EIF4E3: variants seen among roughly 807,000 people sequenced by gnomAD.
EIF4E3 encodes the protein eukaryotic translation initiation factor 4E type 3.
In EIF4E3, 26 loss-of-function variants were observed where a neutral mutation model predicts 31.7. That is an observed-to-expected ratio of 0.82 (90% CI 0.60 to 1.14). EIF4E3 has a LOEUF of 1.14. EIF4E3 is among the 50% of genes most tolerant of loss of function. EIF4E3 has a pLI of 0.00. For missense variants in EIF4E3, 304 were observed against 270.9 expected (o/e 1.12, Z -0.86); for synonymous variants, 128 against 107.7 (o/e 1.19, Z -1.17).
At chr3:71,707,835 C>T (rs1224994807) in intron 2 of EIF4E3, among the ~76,000 whole-genome samples, 1 of 151,198 alleles carries the variant, frequency 6.6e-6, no homozygotes, top group Non-Finnish European at 1.5e-5. Context: ...TGTTGTGACT[C>T]AGGAAAGTGG....
chr3:71,689,970 G>C (rs748845261), intron 6 of EIF4E3, 40 bp downstream of exon 6: 2 of 1,534,538 alleles, frequency 1.3e-6, no homozygotes, highest in South Asian at 1.3e-5. Flanking sequence ...AAGTATGATA[G>C]AGTAAGCTAG....
At chr3:71,661,918 T>G in the EIF4E3 span, among the ~76,000 whole-genome samples, 1 of 152,140 alleles carries the variant, frequency 6.6e-6, no homozygotes, top group African/African-American at 2.4e-5. Context: ...GTGTCCGTAT[T>G]TGAATCCTGG....
chr3:71,746,243 T>A (rs2049871332), intron 1 of EIF4E3, among the ~76,000 whole-genome samples: 1 of 152,238 alleles, frequency 6.6e-6, no homozygotes. Flanking sequence ...AGGCTCCTCA[T>A]CTGTCAAACT....
At chr3:71,692,336 T>C (rs755891072) in intron 5 of EIF4E3, among the ~76,000 whole-genome samples, 25 of 152,206 alleles carry the variant, frequency 1.6e-4, no homozygotes, top group Non-Finnish European at 2.9e-4. Context: ...TAATAGTTAA[T>C]GGTGCGCTCA....
In EIF4E3 at chr3:71,676,263, A is replaced by G. The variant is rs945912010; in HGVS notation, c.*8419T>C. On this transcript the variant is annotated 3_prime_UTR_variant, in exon 7 of 7. Coordinates refer to ENST00000425534, the MANE Select transcript of EIF4E3 (RefSeq NM_001134651.2). ...TGTAAAATGATGTTTATCACCTGTGATAAAACCAGAGAGAAATGCAAGTGT... is the reference window on the plus strand; with the variant it reads ...TGTAAAATGATGTTTATCACCTGTGGTAAAACCAGAGAGAAATGCAAGTGT... 2.0e-5 allele frequency: 3 copies of G among 152,216 alleles called. No homozygotes were observed. The East Asian group carries it at 5.8e-4, about 29-fold the overall frequency. The allele number at this position is 152,216 out of a possible 1,614,324, so 9.4% of individuals were successfully genotyped here. A position where few individuals can be genotyped will look rare whatever the true frequency, so the allele number is the denominator to read the frequency against.
intron 1 of EIF4E3, among the ~76,000 whole-genome samples, chr3:71,735,516 C>T (rs1449882530): frequency 2.0e-5 from 3 of 152,186 alleles, no homozygotes; most frequent in Non-Finnish European, 4.4e-5. Context: ...AGGAGACTTG[C>T]TAATAGGTGT....
chr3:71,659,550 G>T, the EIF4E3 span, among the ~76,000 whole-genome samples: 2 of 152,184 alleles, frequency 1.3e-5, no homozygotes, highest in African/African-American at 2.4e-5. Flanking sequence ...AGCCTCTGTT[G>T]TTCTGTGTGA....
chr3:71,754,238 C>G, upstream of EIF4E3: 3 of 1,314,204 alleles, frequency 2.3e-6, no homozygotes, highest in Non-Finnish European at 3.0e-6. This position sits in a 1 kb window ranked among gnomAD's most constrained non-coding sequence, Gnocchi z 5.8. Flanking sequence ...TGTGCCTGGC[C>G]GACGGGCTGC....
chr3:71,666,055 C>T, the EIF4E3 span, among the ~76,000 whole-genome samples: 1 of 152,044 alleles, frequency 6.6e-6, no homozygotes. Context: ...CAAGAGCAAA[C>T]AAATTCAGAA....
intron 1 of EIF4E3, among the ~76,000 whole-genome samples, chr3:71,748,439 C>A (rs755651462): frequency 4.6e-5 from 7 of 152,102 alleles, no homozygotes; most frequent in Non-Finnish European, 7.3e-5. Context: ...GGTTTTCACC[C>A]TCTTCCAGAG....
At chr3:71,660,999 T>C in the EIF4E3 span, among the ~76,000 whole-genome samples, 1 of 152,122 alleles carries the variant, frequency 6.6e-6, no homozygotes, top group South Asian at 2.1e-4. Flanking sequence ...AGCAGAATCG[T>C]GGGGCACTGG....
chr3:71,732,148 A>G (rs1352391315), intron 1 of EIF4E3, among the ~76,000 whole-genome samples: 1 of 152,142 alleles, frequency 6.6e-6, no homozygotes, highest in Non-Finnish European at 1.5e-5. Context: ...TACTGAATCA[A>G]TGATGGGCTT....
intron 1 of EIF4E3, among the ~76,000 whole-genome samples, chr3:71,732,575 A>G (rs1204321863): frequency 6.6e-6 from 1 of 152,242 alleles, no homozygotes; most frequent in Non-Finnish European, 1.5e-5. Context: ...GATTGTGGCT[A>G]TCATGTGCAA....
At chr3:71,674,423 T>G (rs1370476797), downstream of EIF4E3, among the ~76,000 whole-genome samples, 2 of 152,146 alleles carry the variant, frequency 1.3e-5, no homozygotes, top group South Asian at 2.1e-4. Context: ...TTCCTTCTTA[T>G]GTTATGATGG....
intron 1 of EIF4E3, among the ~76,000 whole-genome samples, chr3:71,716,319 G>A (rs1484127820): frequency 2.0e-5 from 3 of 151,956 alleles, no homozygotes; most frequent in East Asian, 3.9e-4. Flanking sequence ...TGCAAGCTCC[G>A]CCTCCCGGGT....
chr3:71,710,585 T>G, intron 1 of EIF4E3, 101 bp from the exon 2 acceptor site: 1 of 1,198,030 alleles, frequency 8.3e-7, no homozygotes, highest in Non-Finnish European at 1.2e-6. Context: ...AAAAATCAGG[T>G]CTCAAACCAC....
At chr3:71,754,365 T>G (rs1179612677), upstream of EIF4E3, 4 of 1,325,720 alleles carry the variant, frequency 3.0e-6, no homozygotes, top group Non-Finnish European at 3.9e-6. The surrounding 1 kb of genome is among the most constrained non-coding windows in gnomAD (Gnocchi z 5.8). Flanking sequence ...CGCGCTCTTC[T>G]GCTTCCACGC....
chr3:71,674,188 C>T (rs1190532599), downstream of EIF4E3, among the ~76,000 whole-genome samples: 2 of 141,924 alleles, frequency 1.4e-5, no homozygotes, highest in South Asian at 2.3e-4. Flanking sequence ...CTGACTGCAA[C>T]CTCTGCCTCC....
chr3:71,687,006 GT>G (rs2049001243), intron 6 of EIF4E3, among the ~76,000 whole-genome samples: 1 of 152,082 alleles, frequency 6.6e-6, no homozygotes, highest in South Asian at 2.1e-4. Context: ...ATTATTTGTT[GT>G]TGTTGTTTTT....
Sources: allele counts gnomAD v4.1 joint callset (sites outside exome capture counted in the v4.1 genomes callset), GRCh38; gene constraint gnomAD v4.1.1; non-coding constraint Gnocchi (gnomAD v3.1); transcripts MANE v1.5; gene names NCBI Gene and HGNC (gene_info 2026-07-23, HGNC 2026-07-21).